The following KCNIP1 variants were observed in gnomAD, a reference collection of about 807,000 sequenced individuals.
KCNIP1 encodes the protein A-type potassium channel modulatory protein KCNIP1.
Under a neutral mutation model 33.0 loss-of-function variants are expected in KCNIP1, and 18 were observed. The ratio of observed to expected loss-of-function variants is 0.55; its 90% confidence interval spans 0.38 to 0.81. KCNIP1 has a LOEUF of 0.81. Ranked by LOEUF, KCNIP1 falls within the 30% of genes least tolerant of loss-of-function variation. The probability of loss-of-function intolerance (pLI) is 0.00; values close to 1 mark genes in which losing one functional copy is unlikely to be tolerated. For missense variants in KCNIP1, 238 were observed against 271.6 expected (o/e 0.88, Z 0.87); for synonymous variants, 93 against 98.3 (o/e 0.95, Z 0.32).
At chr5:170,518,839 G>A (rs1243086052) in intron 1 of KCNIP1, among the ~76,000 whole-genome samples, 6 of 152,146 alleles carry the variant, frequency 3.9e-5, no homozygotes, top group Non-Finnish European at 7.3e-5. Context: ...CTCTCCCACC[G>A]GCTGCTTCTG....
At chr5:170,480,670 C>T (rs1160837141) in intron 1 of KCNIP1, among the ~76,000 whole-genome samples, 2 of 151,970 alleles carry the variant, frequency 1.3e-5, no homozygotes, top group African/African-American at 2.4e-5. Flanking sequence ...TCTCAAACTC[C>T]CAGGATCAAG....
chr5:170,438,694 C>T (rs893668860), intron 1 of KCNIP1, among the ~76,000 whole-genome samples: 1 of 152,078 alleles, frequency 6.6e-6, no homozygotes, highest in Non-Finnish European at 1.5e-5. Context: ...AAAGTCAGCC[C>T]GTGCTCTTTC....
chr5:170,522,168 G>A (rs1755388205), intron 1 of KCNIP1, among the ~76,000 whole-genome samples: 1 of 152,220 alleles, frequency 6.6e-6, no homozygotes, highest in Non-Finnish European at 1.5e-5. Context: ...GAACAGGGCA[G>A]CTCAAGGACC....
chr5:170,386,120 G>A (rs1377703119), intron 1 of KCNIP1, among the ~76,000 whole-genome samples: 3 of 130,996 alleles, frequency 2.3e-5, no homozygotes, highest in Admixed American at 1.5e-4. Flanking sequence ...GCAAGACTCC[G>A]TCAAAAAAAA....
At chr5:170,364,996 C>G (rs568180655) in intron 1 of KCNIP1, among the ~76,000 whole-genome samples, 4 of 152,330 alleles carry the variant, frequency 2.6e-5, no homozygotes, top group South Asian at 2.1e-4. Context: ...TGTTCATTCT[C>G]CATAGCTGAA....
intron 1 of KCNIP1, among the ~76,000 whole-genome samples, chr5:170,451,722 ATTGTGTGTGT>A (rs1389130205): frequency 5.2e-5 from 4 of 77,216 alleles, no homozygotes; most frequent in Non-Finnish European, 8.3e-5. Context: ...CTTCTCCTGC[ATTGTGTGTGT>A]GTGTGTGTGT....
intron 1 of KCNIP1, among the ~76,000 whole-genome samples, chr5:170,538,483 T>C (rs141115914): frequency 6.6e-6 from 1 of 152,196 alleles, no homozygotes; most frequent in East Asian, 2.0e-4. Context: ...CACACCAGGC[T>C]TGTGGCCTTG....
intron 1 of KCNIP1, among the ~76,000 whole-genome samples, chr5:170,448,546 G>A (rs1300649296): frequency 6.6e-6 from 1 of 152,224 alleles, no homozygotes; most frequent in Non-Finnish European, 1.5e-5. Flanking sequence ...TGATGCTAAT[G>A]GAGAGACTTG....
chr5:170,387,050 A>G (rs1393152275), intron 1 of KCNIP1, among the ~76,000 whole-genome samples: 1 of 152,006 alleles, frequency 6.6e-6, no homozygotes, highest in East Asian at 1.9e-4. Flanking sequence ...GTGATTTCCC[A>G]TGGTTCCGCA....
intron 1 of KCNIP1, among the ~76,000 whole-genome samples, chr5:170,495,564 G>A (rs1009196035): frequency 3.3e-5 from 5 of 152,208 alleles, no homozygotes; most frequent in Admixed American, 2.0e-4. Flanking sequence ...AAAGTCTGGG[G>A]TTTCAGTGCC....
chr5:170,510,016 T>C (rs540265914), intron 1 of KCNIP1, among the ~76,000 whole-genome samples: 1 of 152,216 alleles, frequency 6.6e-6, no homozygotes. Context: ...AGTCCCACAA[T>C]TGTCCTTCAG....
In KCNIP1 at chr5:170,398,616, T is replaced by C. The variant is rs528226841; in HGVS notation, c.88+44652T>C. On this transcript the variant is annotated intron_variant, in intron 1 of 7. Coordinates refer to the KCNIP1 transcript ENST00000377360. ...GTGAAATATTTTATTTGTCCCAAATTGTGATCAGGAATAAATAAGAAGCCC... is the reference window on the plus strand; with the variant it reads ...GTGAAATATTTTATTTGTCCCAAATCGTGATCAGGAATAAATAAGAAGCCC... 5.9e-5 allele frequency among the ~76,000 whole-genome samples: 9 copies of C among 152,348 alleles called. No individual in the cohort carries two copies. In the South Asian group the frequency reaches 1.9e-3, roughly 32 times the overall value.
chr5:170,635,564 C>A (rs2113683125), intron 1 of KCNIP1, among the ~76,000 whole-genome samples: 1 of 152,262 alleles, frequency 6.6e-6, no homozygotes, highest in South Asian at 2.1e-4. Context: ...GTATACTAAC[C>A]CTAGAGTTAG....
intron 1 of KCNIP1, among the ~76,000 whole-genome samples, chr5:170,591,688 T>C (rs544123347): frequency 6.6e-6 from 1 of 152,350 alleles, no homozygotes; most frequent in African/African-American, 2.4e-5. Context: ...CTCGTATAAT[T>C]GGAATCAACA....
chr5:170,577,545 C>T (rs1414235786), intron 1 of KCNIP1, among the ~76,000 whole-genome samples: 1 of 152,168 alleles, frequency 6.6e-6, no homozygotes, highest in Non-Finnish European at 1.5e-5. Context: ...TGGACCGTCT[C>T]ACTTGTTAAT....
chr5:170,637,334 C>T (rs1471501617), intron 1 of KCNIP1, among the ~76,000 whole-genome samples: 1 of 152,114 alleles, frequency 6.6e-6, no homozygotes, highest in Non-Finnish European at 1.5e-5. Flanking sequence ...GACCACCGCA[C>T]CCCTCCTCAC....
chr5:170,435,387 AC>A (rs1755839212), intron 1 of KCNIP1, among the ~76,000 whole-genome samples: 1 of 152,164 alleles, frequency 6.6e-6, no homozygotes, highest in East Asian at 1.9e-4. Flanking sequence ...CAGAAACGGG[AC>A]TTTGAGCTTG....
chr5:170,670,267 G>A (rs77629760), intron 1 of KCNIP1, among the ~76,000 whole-genome samples: 7,271 of 152,234 alleles, frequency 0.048, 193 homozygotes, highest in East Asian at 0.07. Context: ...ACAGATGGAC[G>A]GAGAGAGAGA....
intron 1 of KCNIP1, among the ~76,000 whole-genome samples, chr5:170,508,241 C>T (rs187780812): frequency 1.2e-4 from 18 of 152,298 alleles, no homozygotes; most frequent in Admixed American, 9.2e-4. Flanking sequence ...TTCGGATCTC[C>T]AGAATAGTCA....
Sources: allele counts gnomAD v4.1 joint callset (sites outside exome capture counted in the v4.1 genomes callset), GRCh38; gene constraint gnomAD v4.1.1; transcripts MANE v1.5; gene names NCBI Gene and HGNC (gene_info 2026-07-23, HGNC 2026-07-21).